Variants in MARCHF7 observed in about 807,000 individuals in gnomAD.
MARCHF7 encodes the protein E3 ubiquitin-protein ligase MARCHF7.
MARCHF7 carries 20 observed loss-of-function variants against 76.5 expected under a neutral mutation model. The observed-to-expected ratio is 0.26, with a 90% CI of 0.18 to 0.38. The LOEUF is 0.38. Among genes scored for constraint, MARCHF7 ranks in the 10% least tolerant of loss-of-function variants. The pLI, the probability that MARCHF7 is intolerant of heterozygous loss-of-function variation, is 1.00. For missense variants in MARCHF7, 797 were observed against 812.9 expected (o/e 0.98, Z 0.24); for synonymous variants, 295 against 293.0 (o/e 1.01, Z -0.07).
intron 4 of MARCHF7, chr2:159,733,212 A>G (rs1001316459): frequency 2.3e-6 from 2 of 864,578 alleles, no homozygotes; most frequent in African/African-American, 1.8e-5. Context: ...AGCATTGTTA[A>G]GATTACTCAG....
intron 7 of MARCHF7, among the ~76,000 whole-genome samples, chr2:159,749,722 A>T (rs956769326): frequency 2.2e-5 from 3 of 136,324 alleles, no homozygotes; most frequent in African/African-American, 8.2e-5. Flanking sequence ...AACTGAAGGT[A>T]GGCAATGGTT....
chr2:159,713,777 C>T (rs1354699919), intron 1 of MARCHF7, among the ~76,000 whole-genome samples: 2 of 152,136 alleles, frequency 1.3e-5, no homozygotes, highest in Admixed American at 6.5e-5. Context: ...ACTCAGAAGA[C>T]CTGGGTTTGA....
Position 159,748,300 on chromosome 2 carries a change from C to T in MARCHF7, c.1010C>T (p.Pro337Leu). The T allele has an allele frequency of 1.2e-6, 2 of 1,613,230 alleles. No individual in the cohort carries two copies. Among genetic ancestry groups the T allele is most frequent in the Middle Eastern group, 1.7e-4 (1 of 6,058 alleles). Residue 337 changes from proline (P) to leucine (L), a missense_variant, in exon 7 of 12, where the codon CCC becomes CTC. By Grantham distance (98) the Pro-to-Leu change is moderately conservative. Around this residue, in one of 3 missense-constraint regions of MARCHF7, gnomAD observed 643 missense variants for 631.5 expected, o/e 1.02. Coordinates refer to ENST00000409175, the MANE Select transcript of MARCHF7 (RefSeq NM_001282805.2). ...AATGTACCATCAGCTTCTGAAGTTCCCGATAATAGGGCATCTGAAGCTTCT... is the reference window on the plus strand; with the variant it reads ...AATGTACCATCAGCTTCTGAAGTTCTCGATAATAGGGCATCTGAAGCTTCT... ...RSNVPSASEV[P>L]DNRASEASQG...
Position 159,717,260 on chromosome 2 carries a change from C to T in MARCHF7, c.-15+1494C>T, listed in dbSNP as rs75874708. On this transcript the variant is annotated intron_variant, in intron 3 of 11. Transcript: ENST00000409175. ...TGCCTCATCCTAGGCAGTGCAGCAA[C>T]GTTGCATTACAAAGGGGGCTAATAC... 6.6e-5 allele frequency among the ~76,000 whole-genome samples: 10 copies of T among 152,222 alleles called. No individual in the cohort carries two copies. In the East Asian group the frequency reaches 1.3e-3, roughly 21 times the overall value.
intron 4 of MARCHF7, chr2:159,732,883 G>T (rs1574275791): frequency 1.0e-6 from 1 of 985,150 alleles, no homozygotes; most frequent in Non-Finnish European, 1.2e-6. Context: ...AGTGATAGCG[G>T]TTTCTTCATA....
intron 3 of MARCHF7, among the ~76,000 whole-genome samples, chr2:159,726,300 G>A (rs1253888480): frequency 6.6e-6 from 1 of 151,624 alleles, no homozygotes; most frequent in Non-Finnish European, 1.5e-5. Flanking sequence ...TCTCGCTCTT[G>A]CACCCAGGCC....
intron 4 of MARCHF7, among the ~76,000 whole-genome samples, chr2:159,732,019 G>A (rs1045651881): frequency 6.6e-6 from 1 of 151,950 alleles, no homozygotes; most frequent in African/African-American, 2.4e-5. Flanking sequence ...CAGGAGAATG[G>A]CATGAACCCT....
chr2:159,763,261 A>G (rs1001796558), intron 10 of MARCHF7, among the ~76,000 whole-genome samples: 7 of 152,200 alleles, frequency 4.6e-5, no homozygotes, highest in African/African-American at 1.7e-4. Context: ...GAAAAACAGA[A>G]TTGGAAACAT....
intron 3 of MARCHF7, among the ~76,000 whole-genome samples, chr2:159,726,238 T>G (rs967041366): frequency 1.2e-4 from 15 of 124,872 alleles, no homozygotes; most frequent in South Asian, 5.0e-4. Flanking sequence ...TGTTTTGTTT[T>G]GTTTTGTTTT....
Position 159,767,280 on chromosome 2 carries a change from A to G in MARCHF7, c.2057-4A>G, listed in dbSNP as rs752487064. The G allele has an allele frequency of 3.7e-5, 59 of 1,607,628 alleles. 1 individual carries two copies. Among genetic ancestry groups the G allele is most frequent in the South Asian group, 1.8e-4 (16 of 90,628 alleles). On this transcript the variant is annotated splice_region_variant and splice_polypyrimidine_tract_variant and intron_variant, in intron 11 of 11. Transcript: ENST00000409175. ...TTCTTGATCATCCTGTTTTCTTTCAACAGCTTCAGAGGATGATTCCGAAGA... is the reference window on the plus strand; with the variant it reads ...TTCTTGATCATCCTGTTTTCTTTCAGCAGCTTCAGAGGATGATTCCGAAGA...
intron 3 of MARCHF7, among the ~76,000 whole-genome samples, chr2:159,724,800 A>G (rs1269123090): frequency 6.6e-6 from 1 of 152,062 alleles, no homozygotes; most frequent in Non-Finnish European, 1.5e-5. Context: ...GTCATTTGCA[A>G]TAGATATTTC....
At chr2:159,723,988 C>T (rs1701907862) in intron 3 of MARCHF7, among the ~76,000 whole-genome samples, 2 of 152,074 alleles carry the variant, frequency 1.3e-5, no homozygotes, top group South Asian at 4.1e-4. Flanking sequence ...TCCCCTTTAT[C>T]GCTGCTTCCT....
At chr2:159,736,046 A>C (rs1703415669) in intron 4 of MARCHF7, among the ~76,000 whole-genome samples, 2 of 152,190 alleles carry the variant, frequency 1.3e-5, no homozygotes, top group Admixed American at 1.3e-4. Flanking sequence ...AGGATCCCTT[A>C]AGCTCATAAG....
chr2:159,748,862 G>A lies in MARCHF7; in HGVS notation c.1572G>A (p.Ala524=), dbSNP rs533543500. The A allele has an allele frequency of 2.0e-5, 32 of 1,612,268 alleles. No homozygotes were observed. In the African/African-American group the frequency reaches 2.1e-4, roughly 11 times the overall value. The change falls in exon 7 of 12, where the codon GCG becomes GCA. Residue 524 remains alanine, a synonymous_variant. Coordinates refer to ENST00000409175, the MANE Select transcript of MARCHF7 (RefSeq NM_001282805.2). ...GTAAAAGTGATAAAACTAAAAGTGC[G>A]CCTTCAAGAGATCCAGAAAGATTGC... The part of the protein sequence containing the change: ...ADGKSDKTKS[A]PSRDPERLQK...
At chr2:159,739,966 C>A (rs1452744166) in intron 4 of MARCHF7, among the ~76,000 whole-genome samples, 1 of 152,146 alleles carries the variant, frequency 6.6e-6, no homozygotes, top group Non-Finnish European at 1.5e-5. Flanking sequence ...AAATGAAATT[C>A]ATTATCTAAA....
intron 7 of MARCHF7, among the ~76,000 whole-genome samples, chr2:159,750,086 T>TAGG (rs1705438473): frequency 2.0e-5 from 3 of 152,208 alleles, no homozygotes; most frequent in Non-Finnish European, 4.4e-5. Context: ...TTAAACTTTT[T>TAGG]GTAGAGACAG....
chr2:159,755,041 T>G (rs1343148529), intron 8 of MARCHF7, among the ~76,000 whole-genome samples: 1 of 152,168 alleles, frequency 6.6e-6, no homozygotes, highest in African/African-American at 2.4e-5. Flanking sequence ...TGGTGGGTCT[T>G]TTGCCAGGCA....
Position 159,767,265 on chromosome 2 carries a change from T to C in MARCHF7, c.2057-19T>C. 3 of 1,591,860 alleles carry C rather than the reference T, an allele frequency of 1.9e-6. No homozygotes were observed. Among genetic ancestry groups the C allele is most frequent in the Non-Finnish European group, 2.6e-6 (3 of 1,161,076 alleles). On this transcript the variant is annotated intron_variant, in intron 11 of 11. Transcript: ENST00000409175. ...TCCCCCTTAAAATCATTCTTGATCA[T>C]CCTGTTTTCTTTCAACAGCTTCAGA...
intron 4 of MARCHF7, chr2:159,734,000 T>A (rs772650829): frequency 3.0e-6 from 4 of 1,332,108 alleles, no homozygotes; most frequent in Non-Finnish European, 3.9e-6. Flanking sequence ...CTAATCTTGC[T>A]GTTACTTCTG....
Sources: allele counts gnomAD v4.1 joint callset (sites outside exome capture counted in the v4.1 genomes callset), GRCh38; gene constraint gnomAD v4.1.1; regional missense constraint gnomAD v4.1.1; transcripts MANE v1.5; gene names NCBI Gene and HGNC (gene_info 2026-07-23, HGNC 2026-07-21).